Variants in UBAP2 observed in about 807,000 individuals in gnomAD.
UBAP2 encodes the protein ubiquitin-associated protein 2.
A neutral mutation model predicts 139.6 loss-of-function variants in UBAP2; 75 were observed. That is an observed-to-expected ratio of 0.54 (90% CI 0.45 to 0.65). The LOEUF is 0.65. UBAP2 is among the 30% of genes least tolerant of loss of function. UBAP2 has a pLI of 0.00. For missense variants in UBAP2, 1,368 were observed against 1,369.6 expected, an observed-to-expected ratio of 1.00 and a Z score of 0.02; for synonymous variants, 526 against 526.2, an observed-to-expected ratio of 1.00 and a Z score of 0.01.
chr9:33,926,825 G>C (rs916804339), intron 21 of UBAP2, among the ~76,000 whole-genome samples, 161 bp from the exon 22 acceptor site: 1 of 152,202 alleles, frequency 6.6e-6, no homozygotes, highest in East Asian at 1.9e-4. Context: ...ACGGAGTCTA[G>C]ATGGAAGAAG....
At chr9:34,015,483 C>A (rs1824169617) in intron 2 of UBAP2, among the ~76,000 whole-genome samples, 1 of 64,510 alleles carries the variant, frequency 1.6e-5, no homozygotes, top group Non-Finnish European at 3.2e-5. Flanking sequence ...CCATGCCTGG[C>A]TAATTTTCGT....
At chr9:33,944,336 G>C (rs1825478787) in intron 14 of UBAP2, 29 bp downstream of exon 14, 2 of 1,604,912 alleles carry the variant, frequency 1.2e-6, no homozygotes, top group East Asian at 2.2e-5. Context: ...TCCAGCTTTA[G>C]GACGGTGACT....
chr9:34,020,651 G>A (rs893636824), intron 1 of UBAP2, among the ~76,000 whole-genome samples: 1 of 114,604 alleles, frequency 8.7e-6, no homozygotes, highest in Admixed American at 1.0e-4. Context: ...AACAATACAT[G>A]GAACTCTGTT....
At chr9:34,027,676 C>T (rs1785510) in intron 1 of UBAP2, among the ~76,000 whole-genome samples, 145,502 of 151,498 alleles carry the variant, frequency 0.96, 70,012 homozygotes, top group Non-Finnish European at 1. Flanking sequence ...GCTAACACGG[C>T]GAAACCCCAT....
rs1825351756 is a variant in UBAP2 at position 34,025,787 on chromosome 9, C to T, written c.-41-8598G>A. Reference sequence around the variant, plus strand: ...AGACATACGATCTTCCCATATTTGCCTAGGCTGGTCTCAAACTCCTGGGCT... The same window carrying T: ...AGACATACGATCTTCCCATATTTGCTTAGGCTGGTCTCAAACTCCTGGGCT... On this transcript the variant is annotated intron_variant, in intron 1 of 28. Coordinates refer to ENST00000379238, the MANE Select transcript of UBAP2 (RefSeq NM_001370062.2). 3.3e-5 allele frequency among the ~76,000 whole-genome samples: 5 copies of T among 152,154 alleles called. No homozygotes were observed. The South Asian group carries it at 1.0e-3, about 32-fold the overall frequency.
chr9:34,019,722 C>CAA (rs1261091078), intron 1 of UBAP2, among the ~76,000 whole-genome samples: 2 of 148,652 alleles, frequency 1.3e-5, no homozygotes, highest in Non-Finnish European at 3.0e-5. Context: ...CACACACACA[C>CAA]ACGCACAGAA....
chr9:33,999,417 A>G (rs544651555), intron 2 of UBAP2, among the ~76,000 whole-genome samples: 1 of 152,308 alleles, frequency 6.6e-6, no homozygotes, highest in South Asian at 2.1e-4. Flanking sequence ...AATGCAAACA[A>G]CTGCCCAGAC....
At chr9:33,935,163 CG>C (rs11317017) in intron 17 of UBAP2, among the ~76,000 whole-genome samples, 13,065 of 87,818 alleles carry the variant, frequency 0.15, 1,656 homozygotes, top group African/African-American at 0.28. Context: ...TTGGAAGTGG[CG>C]GGGGGGGGGG....
At chr9:34,044,169 G>A (rs908467288) in intron 1 of UBAP2, among the ~76,000 whole-genome samples, 9 of 150,458 alleles carry the variant, frequency 6.0e-5, no homozygotes, top group South Asian at 4.3e-4. Context: ...AGGCCGAGGC[G>A]GGCAGATCAC....
At chr9:33,956,201 C>A in intron 10 of UBAP2, 55 bp from the exon 11 acceptor site, 1 of 1,288,952 alleles carries the variant, frequency 7.8e-7, no homozygotes. Flanking sequence ...AAACCCAAAA[C>A]ACTGACTTCC....
At chr9:34,048,082 CAG>C (rs1491283436) in intron 1 of UBAP2, among the ~76,000 whole-genome samples, 1 of 152,112 alleles carries the variant, frequency 6.6e-6, no homozygotes, top group African/African-American at 2.4e-5. Context: ...ACTAAAAACT[CAG>C]GGGAAAATGT....
intron 17 of UBAP2, among the ~76,000 whole-genome samples, chr9:33,934,567 A>G (rs1824289923): frequency 1.3e-5 from 2 of 152,160 alleles, no homozygotes; most frequent in Non-Finnish European, 2.9e-5. Flanking sequence ...TAAACTGTAT[A>G]AAGACACCAC....
intron 4 of UBAP2, chr9:33,995,561 T>C (rs949419531): frequency 7.8e-5 from 4 of 51,062 alleles, no homozygotes; most frequent in Non-Finnish European, 8.5e-5. Context: ...TTAAATAATT[T>C]AATTTAATTT....
At chr9:34,042,459 T>C (rs567662736) in intron 1 of UBAP2, among the ~76,000 whole-genome samples, 278 of 132,406 alleles carry the variant, frequency 2.1e-3, no homozygotes, top group Non-Finnish European at 2.9e-3. Context: ...GCCCAGGCGA[T>C]AGTGCAAGAC....
Position 33,996,061 on chromosome 9 carries a change from C to T in UBAP2, c.288+162G>A. On this transcript the variant is annotated intron_variant, in intron 4 of 28. Transcript: ENST00000379238. ...GACTTCATGAAGAAACCATACATAA[C>T]AAAAACAGTCTTTTCAGGTAATCGT... is the stretch of plus-strand genomic sequence containing the variant. 3 of 567,208 alleles carry T rather than the reference C, an allele frequency of 5.3e-6. No individual in the cohort carries two copies. The East Asian group carries it at 9.1e-5, about 17-fold the overall frequency. The allele number at this position is 567,208 out of a possible 1,614,324, so 35.1% of individuals were successfully genotyped here. A position where few individuals can be genotyped will look rare whatever the true frequency, so the allele number is the denominator to read the frequency against.
intron 9 of UBAP2, among the ~76,000 whole-genome samples, chr9:33,961,169 C>T (rs146665997): frequency 5.3e-5 from 8 of 152,268 alleles, no homozygotes; most frequent in East Asian, 1.9e-4. Context: ...CAATATAGGT[C>T]ACATCCAAGC....
At chr9:34,008,866 G>A (rs1823476368) in intron 2 of UBAP2, among the ~76,000 whole-genome samples, 1 of 148,942 alleles carries the variant, frequency 6.7e-6, no homozygotes, top group Admixed American at 6.8e-5. Flanking sequence ...TTTGGAGGCT[G>A]AGGCAGGAGA....
At chr9:33,928,306 G>A (rs979108112) in intron 19 of UBAP2, 2 of 315,908 alleles carry the variant, frequency 6.3e-6, no homozygotes, top group African/African-American at 4.2e-5. Context: ...TGAGGGCATA[G>A]AAATCCCAAG....
chr9:33,993,878 A>G (rs968073256), intron 4 of UBAP2, among the ~76,000 whole-genome samples: 8 of 150,380 alleles, frequency 5.3e-5, no homozygotes, highest in Non-Finnish European at 1.2e-4. Context: ...TTCTTCATGA[A>G]AAGTTCAGCT....
Sources: gnomAD v4.1 joint callset for allele counts (sites outside exome capture counted in the v4.1 genomes callset) on GRCh38, gnomAD v4.1.1 for gene constraint, MANE v1.5 for transcripts, NCBI Gene and HGNC (gene_info 2026-07-23, HGNC 2026-07-21) for gene names.